KLHL32: variants seen among roughly 807,000 people sequenced by gnomAD.
KLHL32 encodes kelch like family member 32.
KLHL32 carries 35 observed loss-of-function variants against 64.8 expected under a neutral mutation model. The observed-to-expected ratio is 0.54, with a 90% confidence interval of 0.41 to 0.72. KLHL32 has a LOEUF of 0.72. Ranked by LOEUF, KLHL32 falls within the 30% of genes least tolerant of loss-of-function variation. KLHL32 has a pLI of 0.00. For synonymous variants in KLHL32, 259 were observed against 281.0 expected (o/e 0.92, Z 0.78); for missense variants, 589 against 768.5 (o/e 0.77, Z 2.76).
chr6:97,017,607 A>T (rs917747728), intron 3 of KLHL32, among the ~76,000 whole-genome samples: 2 of 152,236 alleles, frequency 1.3e-5, no homozygotes, highest in Admixed American at 1.3e-4. Context: ...TAGACAAGCC[A>T]GACTATTCTG....
At chr6:96,974,087 CT>C (rs1445715812) in intron 2 of KLHL32, among the ~76,000 whole-genome samples, 1 of 151,854 alleles carries the variant, frequency 6.6e-6, no homozygotes, top group Non-Finnish European at 1.5e-5. Context: ...GTGATAGGTT[CT>C]CAAAATACCG....
At chr6:97,084,105 C>T (rs1793021477) in intron 5 of KLHL32, among the ~76,000 whole-genome samples, 1 of 151,968 alleles carries the variant, frequency 6.6e-6, no homozygotes, top group East Asian at 1.9e-4. Flanking sequence ...TCTCAGGTAA[C>T]CAGAAAGGGG....
At position 96,980,680 on chromosome 6, in the gene KLHL32, G is replaced by A. The variant is rs12524648; in HGVS notation, c.204+4503G>A. Among the ~76,000 whole-genome samples the A allele has an allele frequency of 9.1e-3, 1,386 of 152,234 alleles. 12 individuals are homozygous for A. The highest frequency in any genetic ancestry group is 0.027 in the Admixed American group (418 of 15,280). On this transcript the variant is annotated intron_variant, in intron 3 of 10. Coordinates refer to ENST00000369261, the MANE Select transcript of KLHL32 (RefSeq NM_052904.4). ...CAGGATGATACTTGTCCCATAGAAAGACATAGAGAAGAGTTTTTCTTCCTT... is the reference window on the plus strand; with the variant it reads ...CAGGATGATACTTGTCCCATAGAAAAACATAGAGAAGAGTTTTTCTTCCTT...
chr6:97,087,867 C>G (rs1255386575), intron 6 of KLHL32, among the ~76,000 whole-genome samples: 1 of 152,180 alleles, frequency 6.6e-6, no homozygotes, highest in Non-Finnish European at 1.5e-5. Context: ...CTCTTTTTCA[C>G]TTTTTCCTGC....
At chr6:96,949,640 C>G (rs1445446027) in intron 1 of KLHL32, among the ~76,000 whole-genome samples, 2 of 152,160 alleles carry the variant, frequency 1.3e-5, no homozygotes, top group Admixed American at 6.6e-5. Context: ...AATGACATCT[C>G]TCATTTACTT....
At position 97,008,565 on chromosome 6, in the gene KLHL32, C is replaced by T. The variant is rs529309017; in HGVS notation, c.204+32388C>T. ...GCTGTGCACTGGCTGGAGTCCTGCT[C>T]CTGCCACCTCTCCTGGCAGCTCTCC... On this transcript the variant is annotated intron_variant, in intron 3 of 10. Transcript: ENST00000369261. 1.3e-3 allele frequency among the ~76,000 whole-genome samples: 194 copies of T among 152,112 alleles called. 1 individual carries two copies. The highest frequency in any genetic ancestry group is 4.5e-3 in the African/African-American group (187 of 41,488).
At chr6:97,012,697 C>G (rs1026563793) in intron 3 of KLHL32, among the ~76,000 whole-genome samples, 2 of 152,114 alleles carry the variant, frequency 1.3e-5, no homozygotes, top group Non-Finnish European at 2.9e-5. Context: ...TTCTGTAATC[C>G]TGGTCTCATA....
the KLHL32 span, among the ~76,000 whole-genome samples, chr6:96,919,374 G>C: frequency 6.6e-6 from 1 of 152,168 alleles, no homozygotes; most frequent in Admixed American, 6.5e-5. Context: ...ACGGGAAAGG[G>C]TCAGGAAAGA....
chr6:97,036,814 GA>G (rs1161608985), intron 3 of KLHL32, among the ~76,000 whole-genome samples: 1 of 152,222 alleles, frequency 6.6e-6, no homozygotes, highest in Non-Finnish European at 1.5e-5. Context: ...AGCTCCAGGG[GA>G]TGCAAGGCAT....
chr6:97,112,286 G>A (rs1797246429), intron 6 of KLHL32, among the ~76,000 whole-genome samples: 1 of 152,108 alleles, frequency 6.6e-6, no homozygotes, highest in Non-Finnish European at 1.5e-5. Context: ...CTACTTTAAT[G>A]TAAGTGCTGC....
the KLHL32 span, among the ~76,000 whole-genome samples, chr6:96,908,062 G>C: frequency 6.6e-6 from 1 of 152,222 alleles, no homozygotes; most frequent in Non-Finnish European, 1.5e-5. Context: ...GCTTGACATT[G>C]TACTCCTGTG....
intron 3 of KLHL32, chr6:97,024,892 T>C (rs1782508227): frequency 1.7e-6 from 1 of 577,046 alleles, no homozygotes; most frequent in African/African-American, 2.1e-5. Flanking sequence ...TATTGAAATA[T>C]CACTTTATTT....
chr6:97,002,770 C>G (rs536402712), intron 3 of KLHL32, among the ~76,000 whole-genome samples: 3 of 152,296 alleles, frequency 2.0e-5, no homozygotes, highest in African/African-American at 4.8e-5. Flanking sequence ...GTAGTGACCT[C>G]CAGCTCCATC....
At chr6:97,121,061 C>A (rs1798310631) in intron 7 of KLHL32, among the ~76,000 whole-genome samples, 1 of 152,192 alleles carries the variant, frequency 6.6e-6, no homozygotes, top group Admixed American at 6.5e-5. Context: ...AAATAATTAA[C>A]AAAGCTTTCA....
At chr6:97,029,961 T>G (rs1783298615) in intron 3 of KLHL32, among the ~76,000 whole-genome samples, 1 of 152,250 alleles carries the variant, frequency 6.6e-6, no homozygotes, top group Non-Finnish European at 1.5e-5. Context: ...TCTACTGTAA[T>G]CATTGCGAGT....
At chr6:96,992,432 T>C (rs1777990843) in intron 3 of KLHL32, among the ~76,000 whole-genome samples, 2 of 152,250 alleles carry the variant, frequency 1.3e-5, no homozygotes, top group Admixed American at 1.3e-4. Flanking sequence ...GATAATCCAG[T>C]TGAAGAGCTA....
chr6:96,995,540 A>G (rs1009386648), intron 3 of KLHL32, among the ~76,000 whole-genome samples: 1 of 152,034 alleles, frequency 6.6e-6, no homozygotes, highest in Non-Finnish European at 1.5e-5. Context: ...GTGGCTTCAC[A>G]CTGTCTCATC....
chr6:96,989,621 A>G (rs1402846549), intron 3 of KLHL32, among the ~76,000 whole-genome samples: 1 of 152,020 alleles, frequency 6.6e-6, no homozygotes, highest in African/African-American at 2.4e-5. Flanking sequence ...AATTCTCTAC[A>G]TCTCCTGAAT....
intron 1 of KLHL32, among the ~76,000 whole-genome samples, chr6:96,935,443 C>T (rs1037426672): frequency 3.9e-5 from 6 of 152,244 alleles, no homozygotes; most frequent in South Asian, 2.1e-4. Flanking sequence ...TGTGGAACTT[C>T]GGCAAATTAG....
Sources: gnomAD v4.1 joint callset for allele counts (sites outside exome capture counted in the v4.1 genomes callset) on GRCh38, gnomAD v4.1.1 for gene constraint, MANE v1.5 for transcripts, NCBI Gene and HGNC (gene_info 2026-07-23, HGNC 2026-07-21) for gene names.